BLVRA: variants seen among roughly 807,000 people sequenced by gnomAD.
BLVRA encodes the protein biliverdin reductase A, also known as BVR A.
In BLVRA, 22 loss-of-function variants were observed where a neutral mutation model predicts 32.8. The observed-to-expected ratio is 0.67, with a 90% CI of 0.48 to 0.96. The LOEUF is 0.96. Among genes scored for constraint, BLVRA ranks in the 40% least tolerant of loss-of-function variants. BLVRA has a pLI of 0.00. For missense variants in BLVRA, 323 were observed against 358.1 expected (o/e 0.90, Z 0.79); for synonymous variants, 119 against 141.3 (o/e 0.84, Z 1.12).
intron 5 of BLVRA, among the ~76,000 whole-genome samples, chr7:43,793,602 C>T (rs1247254549): frequency 6.8e-6 from 1 of 147,656 alleles, no homozygotes; most frequent in African/African-American, 2.5e-5. Context: ...CCTGTTTCTA[C>T]AAAAATCTTT....
chr7:43,795,416 TGAGGCAG>T (rs2132585701), intron 5 of BLVRA, among the ~76,000 whole-genome samples: 1 of 151,976 alleles, frequency 6.6e-6, no homozygotes, highest in East Asian at 1.9e-4. Context: ...CTGGGGAGGC[TGAGGCAG>T]GAGAATTGCT....
chr7:43,788,087 C>G (rs1026577333), intron 3 of BLVRA, 62 bp downstream of exon 3: 1 of 1,613,324 alleles, frequency 6.2e-7, no homozygotes. Flanking sequence ...GGATTAGCTG[C>G]AGGACATGGA....
intron 1 of BLVRA, among the ~76,000 whole-genome samples, chr7:43,763,914 A>G (rs1193434155): frequency 6.6e-6 from 1 of 152,268 alleles, no homozygotes; most frequent in Non-Finnish European, 1.5e-5. Context: ...GCCTTAAAAA[A>G]TCTAAAGGAA....
At chr7:43,770,245 C>A (rs1400031221) in intron 1 of BLVRA, among the ~76,000 whole-genome samples, 1 of 152,142 alleles carries the variant, frequency 6.6e-6, no homozygotes, top group East Asian at 1.9e-4. Context: ...CTCTGGTTAT[C>A]CATTTGCCTG....
At chr7:43,780,662 A>G (rs924904816) in intron 2 of BLVRA, among the ~76,000 whole-genome samples, 1 of 152,192 alleles carries the variant, frequency 6.6e-6, no homozygotes, top group African/African-American at 2.4e-5. Context: ...CCACACACCC[A>G]GTTCCTGACA....
intron 5 of BLVRA, among the ~76,000 whole-genome samples, chr7:43,796,964 A>G (rs1425869030): frequency 6.6e-6 from 1 of 152,218 alleles, no homozygotes; most frequent in African/African-American, 2.4e-5. Flanking sequence ...GCTCAATACC[A>G]CTAATCCTTA....
chr7:43,799,275 C>G (rs1288750150), intron 5 of BLVRA, among the ~76,000 whole-genome samples: 3 of 152,186 alleles, frequency 2.0e-5, no homozygotes, highest in African/African-American at 7.2e-5. Context: ...TAGACAAAGG[C>G]AACCGTCCCA....
intron 6 of BLVRA, among the ~76,000 whole-genome samples, chr7:43,802,666 T>A (rs779643263): frequency 1.3e-5 from 2 of 152,006 alleles, no homozygotes; most frequent in African/African-American, 2.4e-5. Flanking sequence ...ACCCGCCTAA[T>A]TTTGTGTGTT....
intron 2 of BLVRA, 137 bp downstream of exon 2, chr7:43,771,307 C>A: frequency 9.6e-7 from 1 of 1,043,480 alleles, no homozygotes; most frequent in Non-Finnish European, 1.5e-6. Flanking sequence ...TACTGAAGTG[C>A]ACGTGGTTCT....
intron 2 of BLVRA, among the ~76,000 whole-genome samples, chr7:43,779,493 A>C (rs1045719583): frequency 4.6e-5 from 7 of 152,236 alleles, no homozygotes; most frequent in Admixed American, 1.3e-4. Context: ...TAATGTAGAC[A>C]CATGTTCATA....
At chr7:43,760,699 T>TA (rs370710697) in intron 1 of BLVRA, among the ~76,000 whole-genome samples, 120 of 145,126 alleles carry the variant, frequency 8.3e-4, no homozygotes, top group South Asian at 2.2e-3. Context: ...TTTGTGTATT[T>TA]AAAAAAAAAA....
At chr7:43,782,707 T>G (rs776253170) in intron 2 of BLVRA, among the ~76,000 whole-genome samples, 2 of 152,022 alleles carry the variant, frequency 1.3e-5, no homozygotes, top group Non-Finnish European at 2.9e-5. Flanking sequence ...TTGGGAAATA[T>G]GCACATCTTG....
intron 6 of BLVRA, among the ~76,000 whole-genome samples, chr7:43,802,073 C>G (rs191327041): frequency 6.6e-6 from 1 of 152,152 alleles, no homozygotes; most frequent in East Asian, 1.9e-4. Flanking sequence ...ACCCAGGAGG[C>G]AGAGGTTGTA....
chr7:43,791,209 G>T, intron 3 of BLVRA, 40 bp from the exon 4 acceptor site: 1 of 1,613,194 alleles, frequency 6.2e-7, no homozygotes. Context: ...CCTTTCTTCT[G>T]TCTACCATTG....
chr7:43,800,438 C>G (rs372891226), intron 5 of BLVRA, 27 bp from the exon 6 acceptor site: 1 of 1,608,010 alleles, frequency 6.2e-7, no homozygotes, highest in Admixed American at 1.7e-5. Flanking sequence ...GACGACTGCC[C>G]TTTTTATTCC....
intron 2 of BLVRA, among the ~76,000 whole-genome samples, chr7:43,785,562 T>C (rs1166085356): frequency 6.6e-6 from 1 of 152,124 alleles, no homozygotes; most frequent in Non-Finnish European, 1.5e-5. Context: ...CAGTTAGTCA[T>C]AGGAGACAGT....
rs900051127 is a variant in BLVRA, at chr7:43,784,583, T to C, written c.13-3321T>C. ...AGCAGCTTGACTATTAAGATACCAG[T>C]GTCTTCACTCATATCTTTTTTTTTT... On this transcript the variant is annotated intron_variant, in intron 2 of 7. Coordinates refer to ENST00000265523, the MANE Select transcript of BLVRA (RefSeq NM_000712.4). Among the ~76,000 whole-genome samples, 3 of 150,036 alleles carry C rather than the reference T, an allele frequency of 2.0e-5. No homozygotes were observed. In the East Asian group the frequency reaches 5.9e-4, roughly 29 times the overall value.
chr7:43,806,179 G>A (rs2095803878), intron 7 of BLVRA, among the ~76,000 whole-genome samples: 2 of 152,200 alleles, frequency 1.3e-5, no homozygotes, highest in South Asian at 2.1e-4. Context: ...CAGGCGTGGT[G>A]GCAGGTGCCT....
chr7:43,772,966 C>T (rs1207335669), intron 2 of BLVRA, among the ~76,000 whole-genome samples: 1 of 152,174 alleles, frequency 6.6e-6, no homozygotes, highest in African/African-American at 2.4e-5. Flanking sequence ...ACACTCCTGC[C>T]TGCTCAGACC....
Sources: allele counts gnomAD v4.1 joint callset (sites outside exome capture counted in the v4.1 genomes callset), GRCh38; gene constraint gnomAD v4.1.1; transcripts MANE v1.5; gene names NCBI Gene and HGNC (gene_info 2026-07-23, HGNC 2026-07-21).